Variants in H2BC4 observed in about 807,000 individuals in gnomAD.
H2BC4 encodes H2B clustered histone 4, also known as histone H2B type 1-C/E/F/G/I.
In H2BC4, 10 loss-of-function variants were observed where a neutral mutation model predicts 6.2. That is an observed-to-expected ratio of 1.61 (90% confidence interval 0.99 to 2.73). H2BC4 has a LOEUF of 2.73. Ranked by LOEUF, H2BC4 falls within the 30% of genes most tolerant of loss-of-function variation. H2BC4 has a pLI of 0.00. For synonymous variants in H2BC4, 146 were observed against 70.7 expected (o/e 2.07, Z -5.35); for missense variants, 176 against 168.7 (o/e 1.04, Z -0.24).
downstream of H2BC4, among the ~76,000 whole-genome samples, chr6:26,120,331 C>G (rs549120035): frequency 3.3e-5 from 5 of 152,002 alleles, no homozygotes; most frequent in African/African-American, 1.2e-4. Context: ...CACCTGTAAT[C>G]CCAGCTACTG....
chr6:26,121,300 A>G (rs1161707461), downstream of H2BC4, among the ~76,000 whole-genome samples: 1 of 152,242 alleles, frequency 6.6e-6, no homozygotes, highest in Non-Finnish European at 1.5e-5. Context: ...AAATTCTACT[A>G]CTGCCACCAA....
Position 26,123,500 on chromosome 6 carries a change from T to C in H2BC4, c.*24A>G, listed in dbSNP as rs763981422. The C allele has an allele frequency of 6.2e-7, 1 of 1,614,108 alleles. No individual in the cohort carries two copies. The highest frequency in any genetic ancestry group is 1.3e-5 in the African/African-American group (1 of 75,030). On this transcript the variant is annotated 3_prime_UTR_variant, in exon 1 of 1. Coordinates refer to ENST00000396984, the MANE Select transcript of H2BC4 (RefSeq NM_003526.3). ...TCTTAAAAGAGCCTTTGGGGTTAGGTGTTAAGACGCTTACTTGGAATGTTT... is the reference window on the plus strand; with the variant it reads ...TCTTAAAAGAGCCTTTGGGGTTAGGCGTTAAGACGCTTACTTGGAATGTTT...
At chr6:26,120,917 C>T (rs1763489088), downstream of H2BC4, among the ~76,000 whole-genome samples, 1 of 152,170 alleles carries the variant, frequency 6.6e-6, no homozygotes. Flanking sequence ...TTATTGAGAC[C>T]AGACATTCGG....
At chr6:26,113,846 G>C (rs1321438148), downstream of H2BC4, among the ~76,000 whole-genome samples, 2 of 150,148 alleles carry the variant, frequency 1.3e-5, no homozygotes, top group Non-Finnish European at 3.0e-5. Context: ...TATATGTGCA[G>C]AGCTCCCTCT....
At chr6:26,119,798 C>T (rs1215948601), downstream of H2BC4, among the ~76,000 whole-genome samples, 1 of 95,064 alleles carries the variant, frequency 1.1e-5, no homozygotes, top group Non-Finnish European at 2.4e-5. Context: ...AATTATTAAG[C>T]CAATTTGTCC....
At chr6:26,118,382 T>C (rs942344162) in intron 1 of H2BC4, among the ~76,000 whole-genome samples, 3 of 152,212 alleles carry the variant, frequency 2.0e-5, no homozygotes, top group Non-Finnish European at 2.9e-5. Flanking sequence ...TAATTGATTA[T>C]TTTGACTCAA....
rs1763560040 is a variant in H2BC4 at position 26,123,840 on chromosome 6, G to A, written c.65C>T (p.Ala22Val). The change falls in exon 1 of 1, where the codon GCG becomes GTG. Residue 22 changes from alanine to valine, a missense_variant. Transcript: ENST00000396984. ...GCGCTTCTTGCCATCTTTCTTCTGCGCTTTGGTCACTGCCTTCTTGGAGCC... is the reference window on the plus strand; with the variant it reads ...GCGCTTCTTGCCATCTTTCTTCTGCACTTTGGTCACTGCCTTCTTGGAGCC... ...KKGSKKAVTK[A>V]QKKDGKKRKR... 6.2e-7 allele frequency: 1 copy of A among 1,614,200 alleles called. No individual in the cohort carries two copies. Among genetic ancestry groups the A allele is most frequent in the Non-Finnish European group, 8.5e-7 (1 of 1,180,040 alleles).
chr6:26,123,241 G>A (rs946101189), downstream of H2BC4: 1 of 490,252 alleles, frequency 2.0e-6, no homozygotes, highest in Non-Finnish European at 3.5e-6. Context: ...GGTTTCTTCC[G>A]GGAACGCCGA....
At chr6:26,114,958 A>G (rs940652452) in exon 2 of H2BC4, 3 of 152,204 alleles carry the variant, frequency 2.0e-5, no homozygotes, top group African/African-American at 4.8e-5. Flanking sequence ...TTTTATGCAT[A>G]GAAAAAAGAG....
Position 26,123,813 on chromosome 6 carries a change from T to C in H2BC4, c.92A>G (p.Lys31Arg), listed in dbSNP as rs1581413470. The C allele has an allele frequency of 1.2e-6, 2 of 1,614,272 alleles. No individual in the cohort carries two copies. Among genetic ancestry groups the C allele is most frequent in the Admixed American group, 1.7e-5 (1 of 60,034 alleles). The part of the protein sequence containing the change: ...KAQKKDGKKR[K>R]RSRKESYSVY... ...AGAGTAACTCTCCTTGCGGCTGCGC[T>C]TGCGCTTCTTGCCATCTTTCTTCTG... Residue 31 changes from lysine to arginine, a missense_variant, in exon 1 of 1, where the codon AAG becomes AGG. Lys to Arg is a conservative substitution (Grantham distance 26, BLOSUM62 2). Transcript: ENST00000396984.
chr6:26,116,809 T>C (rs180690715), intron 1 of H2BC4, among the ~76,000 whole-genome samples: 40 of 152,338 alleles, frequency 2.6e-4, no homozygotes, highest in African/African-American at 8.9e-4. Flanking sequence ...CTTGAGGATA[T>C]GTCAAACTGA....
chr6:26,122,647 G>T (rs371897392), downstream of H2BC4, among the ~76,000 whole-genome samples: 7 of 152,082 alleles, frequency 4.6e-5, no homozygotes, highest in African/African-American at 1.2e-4. Context: ...GTGTTCGAAG[G>T]CTTGTCAATT....
chr6:26,119,426 T>C (rs1763469294), downstream of H2BC4, among the ~76,000 whole-genome samples: 1 of 152,180 alleles, frequency 6.6e-6, no homozygotes, highest in Non-Finnish European at 1.5e-5. Context: ...TGAGAATTAA[T>C]TTACTCAATT....
At chr6:26,122,143 A>AG (rs1248088275), downstream of H2BC4, among the ~76,000 whole-genome samples, 1 of 152,014 alleles carries the variant, frequency 6.6e-6, no homozygotes, top group African/African-American at 2.4e-5. Context: ...TAAGTTATCT[A>AG]GGCAAGGCAG....
At chr6:26,116,698 AC>A (rs1380599486) in intron 1 of H2BC4, among the ~76,000 whole-genome samples, 5 of 152,102 alleles carry the variant, frequency 3.3e-5, no homozygotes. Context: ...ACAAAGTGAG[AC>A]CCTGTCTCTG....
downstream of H2BC4, among the ~76,000 whole-genome samples, chr6:26,118,865 C>T (rs1394801570): frequency 1.3e-5 from 2 of 151,950 alleles, no homozygotes; most frequent in South Asian, 2.1e-4. Flanking sequence ...AATGGAGGTT[C>T]CAGCATTGTT....
rs773995989 is a variant in H2BC4 at position 26,123,689 on chromosome 6, C to T, written c.216G>A (p.Glu72=). Residue 72 remains glutamate, a synonymous_variant, in exon 1 of 1, where the codon GAG becomes GAA. Transcript: ENST00000396984. ...IMNSFVNDIF[E]RIAGEASRLA... is the part of the protein sequence containing the mutation. ...GGCGGGAAGCCTCGCCCGCGATGCGCTCAAATATGTCGTTAACGAAAGAAT... is the reference window on the plus strand; with the variant it reads ...GGCGGGAAGCCTCGCCCGCGATGCGTTCAAATATGTCGTTAACGAAAGAAT... The T allele has an allele frequency of 6.2e-7, 1 of 1,614,264 alleles. No individual in the cohort carries two copies. The highest frequency in any genetic ancestry group is 2.2e-5 in the East Asian group (1 of 44,878).
intron 1 of H2BC4, among the ~76,000 whole-genome samples, chr6:26,115,586 C>T (rs774003873): frequency 2.0e-5 from 3 of 152,128 alleles, no homozygotes; most frequent in African/African-American, 7.2e-5. Context: ...GATACAGCGA[C>T]GAAGGCCAGG....
downstream of H2BC4, among the ~76,000 whole-genome samples, chr6:26,123,166 C>T (rs1326726991): frequency 6.6e-5 from 10 of 152,180 alleles, no homozygotes; most frequent in Non-Finnish European, 1.5e-4. Flanking sequence ...GACATTACGG[C>T]AACCGTTGAT....
Sources: gnomAD v4.1 joint callset for allele counts (sites outside exome capture counted in the v4.1 genomes callset) on GRCh38, gnomAD v4.1.1 for gene constraint, MANE v1.5 for transcripts, NCBI Gene and HGNC (gene_info 2026-07-23, HGNC 2026-07-21) for gene names.